Variants in ELAPOR2 observed in about 807,000 individuals in gnomAD.
ELAPOR2 encodes endosome/lysosome-associated apoptosis and autophagy regulator family member 2.
A neutral mutation model predicts 120.7 loss-of-function variants in ELAPOR2; 89 were observed. The ratio of observed to expected loss-of-function variants is 0.74; its 90% CI spans 0.62 to 0.88. The LOEUF is 0.88. Among genes scored for constraint, ELAPOR2 ranks in the 40% least tolerant of loss-of-function variants. The pLI is 0.00. For missense variants in ELAPOR2, 1,134 were observed against 1,251.6 expected, an observed-to-expected ratio of 0.91 and a Z score of 1.42; for synonymous variants, 444 against 444.9, an observed-to-expected ratio of 1.00 and a Z score of 0.03.
intron 1 of ELAPOR2, among the ~76,000 whole-genome samples, chr7:87,017,494 T>C (rs1346579523): frequency 2.0e-5 from 3 of 152,202 alleles, no homozygotes; most frequent in African/African-American, 7.2e-5. Flanking sequence ...TGCATACATA[T>C]GAAAGGGGAA....
At chr7:86,901,561 A>C (rs893716032) in intron 18 of ELAPOR2, among the ~76,000 whole-genome samples, 5 of 152,130 alleles carry the variant, frequency 3.3e-5, no homozygotes, top group Admixed American at 6.5e-5. Context: ...GTTTTGCCAA[A>C]ATAGAAAATA....
Position 86,999,897 on chromosome 7 carries a change from G to A in ELAPOR2, c.190-34873C>T, listed in dbSNP as rs118171082. ...GATGATTCTCATGCATATTTCATCTGTTTTAAAATCAGACTAATTTCGGGT... is the reference window on the plus strand; with the variant it reads ...GATGATTCTCATGCATATTTCATCTATTTTAAAATCAGACTAATTTCGGGT... On this transcript the variant is annotated intron_variant, in intron 1 of 21. Coordinates refer to ENST00000450689, the MANE Select transcript of ELAPOR2 (RefSeq NM_001142749.3). 5.9e-3 allele frequency among the ~76,000 whole-genome samples: 899 copies of A among 152,186 alleles called. 2 individuals are homozygous for A. The highest frequency in any genetic ancestry group is 8.4e-3 in the Non-Finnish European group (572 of 67,982).
intron 1 of ELAPOR2, among the ~76,000 whole-genome samples, chr7:87,001,361 C>T (rs1055804198): frequency 6.6e-6 from 1 of 152,132 alleles, no homozygotes. Context: ...CCAAGAAAGC[C>T]GTGAGGTCAG....
chr7:86,881,591 C>T (rs995588327), intron 21 of ELAPOR2, among the ~76,000 whole-genome samples: 20 of 152,016 alleles, frequency 1.3e-4, no homozygotes, highest in Middle Eastern at 3.4e-3. Flanking sequence ...CTCCTGTCCT[C>T]GTGATCCGCC....
chr7:86,915,116 G>A (rs1015447505), intron 12 of ELAPOR2, among the ~76,000 whole-genome samples: 2 of 151,970 alleles, frequency 1.3e-5, no homozygotes, highest in Admixed American at 1.3e-4. Context: ...TATGTTTAAG[G>A]GTTGGGGTTT....
chr7:86,879,315 T>A lies in ELAPOR2; in HGVS notation c.*1156A>T, dbSNP rs536440639. On this transcript the variant is annotated 3_prime_UTR_variant, in exon 22 of 22. Transcript: ENST00000450689. Reference sequence around the variant, plus strand: ...CCCACCATAGAAAATATCACAATTATCTGGATCACTTTTGAATAAGAACAA... The same window carrying A: ...CCCACCATAGAAAATATCACAATTAACTGGATCACTTTTGAATAAGAACAA... 6.6e-6 allele frequency: 1 copy of A among 152,188 alleles called. No individual in the cohort carries two copies. The highest frequency in any genetic ancestry group is 2.1e-4 in the South Asian group (1 of 4,828). The allele number at this position is 152,188 out of a possible 1,614,324, so 9.4% of individuals were successfully genotyped here. A position where few individuals can be genotyped will look rare whatever the true frequency, so the allele number is the denominator to read the frequency against.
intron 12 of ELAPOR2, 79 bp from the exon 13 acceptor site, chr7:86,914,939 A>G (rs1191239586): frequency 9.1e-7 from 1 of 1,097,712 alleles, no homozygotes; most frequent in Non-Finnish European, 1.3e-6. Flanking sequence ...TTACAAATGT[A>G]TTCATATTTA....
At chr7:87,057,063 T>C (rs1476796047) in intron 1 of ELAPOR2, among the ~76,000 whole-genome samples, 1 of 152,208 alleles carries the variant, frequency 6.6e-6, no homozygotes, top group Non-Finnish European at 1.5e-5. Flanking sequence ...TTGCCTCCTT[T>C]AATGTTAACA....
intron 18 of ELAPOR2, among the ~76,000 whole-genome samples, chr7:86,904,355 T>C (rs775369639): frequency 1.3e-5 from 2 of 152,188 alleles, no homozygotes; most frequent in Non-Finnish European, 2.9e-5. Flanking sequence ...AGATAATGAT[T>C]AGAGGTTTGG....
intron 1 of ELAPOR2, among the ~76,000 whole-genome samples, chr7:87,040,075 C>T (rs1041493873): frequency 2.6e-5 from 4 of 152,246 alleles, no homozygotes; most frequent in Non-Finnish European, 5.9e-5. Flanking sequence ...GCTTAAAACA[C>T]GGCGCACCAC....
chr7:87,000,253 C>T (rs1793270899), intron 1 of ELAPOR2, among the ~76,000 whole-genome samples: 1 of 152,100 alleles, frequency 6.6e-6, no homozygotes, highest in Admixed American at 6.6e-5. Flanking sequence ...GTGTCACATC[C>T]AAGGTAATTG....
At position 86,897,661 on chromosome 7, in the gene ELAPOR2, A is replaced by T. The variant is rs762296424; in HGVS notation, c.2559-29T>A. 8 of 1,611,904 alleles carry T rather than the reference A, an allele frequency of 5.0e-6. No homozygotes were observed. In the Admixed American group the frequency reaches 1.3e-4, roughly 27 times the overall value. ...AAATCATAAACAAAACCAAAAACAC[A>T]TAAGTGGCAGCTTTTTAACCCATTC... On this transcript the variant is annotated intron_variant, in intron 18 of 21. Transcript: ENST00000450689.
In ELAPOR2 at chr7:87,059,602, G is replaced by C. The variant is rs896085091; in HGVS notation, c.-89C>G. 1 of 1,113,530 alleles carries C rather than the reference G, an allele frequency of 9.0e-7. No individual in the cohort carries two copies. Among genetic ancestry groups the C allele is most frequent in the Non-Finnish European group, 1.1e-6 (1 of 912,752 alleles). The allele number at this position is 1,113,530 out of a possible 1,614,324, so 69.0% of individuals were successfully genotyped here. On this transcript the variant is annotated 5_prime_UTR_variant, in exon 1 of 22. Coordinates refer to ENST00000450689, the MANE Select transcript of ELAPOR2 (RefSeq NM_001142749.3). Reference sequence around the variant, plus strand: ...CCGGCTCCCGGGCCGCGACTGCTGTGCGCTCGTCTCGCCGCTCCGTCACCC... The same window carrying C: ...CCGGCTCCCGGGCCGCGACTGCTGTCCGCTCGTCTCGCCGCTCCGTCACCC...
Position 86,936,471 on chromosome 7 carries a change from C to T in ELAPOR2, c.1089+1655G>A, listed in dbSNP as rs75709286. On this transcript the variant is annotated intron_variant, in intron 8 of 21. Transcript: ENST00000450689. ...CACATATGCAATCTAAAGTTCATTA[C>T]ATATATTATTTCACTAAGTCCCCAT... Among the ~76,000 whole-genome samples the T allele has an allele frequency of 3.5e-3, 534 of 152,178 alleles. 4 individuals carry two copies. The highest frequency in any genetic ancestry group is 3.5e-3 in the Non-Finnish European group (240 of 67,982).
In ELAPOR2 at chr7:86,984,853, G is replaced by C. The variant is rs567149546; in HGVS notation, c.190-19829C>G. ...CTAAGATCAGAGCATAACTGAAGGA[G>C]ATAGAGACATAAAAAACCCTTCAAA... On this transcript the variant is annotated intron_variant, in intron 1 of 21. Coordinates refer to ENST00000450689, the MANE Select transcript of ELAPOR2 (RefSeq NM_001142749.3). Among the ~76,000 whole-genome samples the C allele has an allele frequency of 3.1e-3, 470 of 152,186 alleles. 1 individual carries two copies. Among genetic ancestry groups the C allele is most frequent in the African/African-American group, 0.011 (443 of 41,524 alleles).
chr7:86,998,870 C>A (rs1261261616), intron 1 of ELAPOR2, among the ~76,000 whole-genome samples: 1 of 147,414 alleles, frequency 6.8e-6, no homozygotes, highest in African/African-American at 2.5e-5. Flanking sequence ...TTTCAAAGAA[C>A]CTGAGAAACT....
At chr7:86,975,159 A>C (rs999498041) in intron 1 of ELAPOR2, among the ~76,000 whole-genome samples, 1 of 152,250 alleles carries the variant, frequency 6.6e-6, no homozygotes, top group Non-Finnish European at 1.5e-5. Flanking sequence ...GGATAACTCC[A>C]CATCTGAATT....
chr7:87,041,044 G>T (rs919841955), intron 1 of ELAPOR2, among the ~76,000 whole-genome samples: 24 of 152,132 alleles, frequency 1.6e-4, no homozygotes, highest in Admixed American at 5.2e-4. Context: ...GAAATGAAGG[G>T]AGAAGGGAAG....
intron 8 of ELAPOR2, among the ~76,000 whole-genome samples, chr7:86,933,179 TCAAA>T (rs10606420): frequency 0.16 from 25,007 of 151,640 alleles, 2,711 homozygotes; most frequent in African/African-American, 0.31. Context: ...ATTTATCAAA[TCAAA>T]CATTTTATGT....
Sources: gnomAD v4.1 joint callset for allele counts (sites outside exome capture counted in the v4.1 genomes callset) on GRCh38, gnomAD v4.1.1 for gene constraint, MANE v1.5 for transcripts, NCBI Gene and HGNC (gene_info 2026-07-23, HGNC 2026-07-21) for gene names.